Variants in VOPP1 observed in about 807,000 individuals in gnomAD.
The protein encoded by VOPP1 is VOPP1 WW domain binding protein.
Under a neutral mutation model 23.5 loss-of-function variants are expected in VOPP1, and 8 were observed. The observed-to-expected ratio is 0.34, with a 90% CI of 0.20 to 0.61. VOPP1 has a LOEUF of 0.61. VOPP1 is among the 20% of genes least tolerant of loss of function. VOPP1 has a pLI of 0.78. For missense variants in VOPP1, 174 were observed against 238.1 expected, an observed-to-expected ratio of 0.73 and a Z score of 1.77; for synonymous variants, 83 against 97.3, an observed-to-expected ratio of 0.85 and a Z score of 0.86.
At chr7:55,508,038 G>C (rs1036926647) in intron 2 of VOPP1, among the ~76,000 whole-genome samples, 2 of 152,142 alleles carry the variant, frequency 1.3e-5, no homozygotes, top group African/African-American at 4.8e-5. Context: ...GATTTACCTA[G>C]GGAAATTTTA....
rs186577622 is a variant in VOPP1, at chr7:55,437,671, T to G, written n.418-1497A>C. On this transcript the variant is annotated intron_variant and non_coding_transcript_variant, in intron 4 of 4. Coordinates refer to the VOPP1 transcript ENST00000462326. ...ATTTCTTTACTGCCTCCACCCACCC[T>G]CTGTCCTTGTCTCTTTTTCTTGAAC... Among the ~76,000 whole-genome samples the G allele has an allele frequency of 3.3e-5, 5 of 152,320 alleles. No homozygotes were observed. In the East Asian group the frequency reaches 7.7e-4, roughly 23 times the overall value.
At chr7:55,532,001 C>CA (rs1199333985) in intron 1 of VOPP1, among the ~76,000 whole-genome samples, 2 of 152,160 alleles carry the variant, frequency 1.3e-5, no homozygotes, top group Non-Finnish European at 2.9e-5. Context: ...GGCAAAATGC[C>CA]AAAAAATGCA....
intron 2 of VOPP1, among the ~76,000 whole-genome samples, chr7:55,499,895 G>A (rs960646027): frequency 1.6e-4 from 25 of 152,238 alleles, no homozygotes; most frequent in African/African-American, 5.8e-4. Flanking sequence ...GCAATTCTCC[G>A]AGGCCTTCCC....
At chr7:55,450,362 A>C (rs926958045) in intron 4 of VOPP1, among the ~76,000 whole-genome samples, 1 of 152,086 alleles carries the variant, frequency 6.6e-6, no homozygotes, top group African/African-American at 2.4e-5. Context: ...CCCAGAACCC[A>C]GGAGCTGGGC....
At chr7:55,469,007 TTC>T (rs1352297858), downstream of VOPP1, among the ~76,000 whole-genome samples, 1 of 152,238 alleles carries the variant, frequency 6.6e-6, no homozygotes, top group Non-Finnish European at 1.5e-5. Context: ...CACTAGTTTT[TTC>T]TTTTAAAGTA....
At chr7:55,512,324 G>T (rs746698273) in intron 2 of VOPP1, among the ~76,000 whole-genome samples, 2 of 152,112 alleles carry the variant, frequency 1.3e-5, no homozygotes, top group African/African-American at 2.4e-5. Context: ...TACCCAGGAG[G>T]CTGAGACAGG....
intron 1 of VOPP1, among the ~76,000 whole-genome samples, chr7:55,534,982 AAG>A (rs1416305824): frequency 2.6e-5 from 4 of 152,290 alleles, no homozygotes; most frequent in Non-Finnish European, 5.9e-5. Context: ...CTGATGGGAG[AAG>A]AGGAGAACAG....
chr7:55,448,791 AG>A, intron 4 of VOPP1, among the ~76,000 whole-genome samples: 1 of 152,296 alleles, frequency 6.6e-6, no homozygotes, highest in Non-Finnish European at 1.5e-5. Flanking sequence ...GGCCCGGACG[AG>A]GGGGAGGCGG....
intron 1 of VOPP1, among the ~76,000 whole-genome samples, chr7:55,556,359 C>A (rs965710854): frequency 1.3e-5 from 2 of 152,230 alleles, no homozygotes; most frequent in African/African-American, 4.8e-5. Context: ...CAAACCTGTT[C>A]ATCCACTTCT....
At chr7:55,550,015 A>C (rs1483314478) in intron 1 of VOPP1, among the ~76,000 whole-genome samples, 1 of 152,200 alleles carries the variant, frequency 6.6e-6, no homozygotes, top group Non-Finnish European at 1.5e-5. Context: ...TCTCCTCAGC[A>C]TGATAGCCTG....
intron 1 of VOPP1, among the ~76,000 whole-genome samples, chr7:55,551,809 G>A (rs1450002788): frequency 6.6e-6 from 1 of 152,116 alleles, no homozygotes; most frequent in African/African-American, 2.4e-5. Context: ...GGAGGCCCAG[G>A]AGCGTGGATC....
chr7:55,482,196 A>G (rs1272133344), intron 4 of VOPP1, among the ~76,000 whole-genome samples: 1 of 152,278 alleles, frequency 6.6e-6, no homozygotes, highest in African/African-American at 2.4e-5. Context: ...AAAAAAACTG[A>G]TAAGCGGGAG....
At chr7:55,556,642 C>CA (rs995863905) in intron 1 of VOPP1, among the ~76,000 whole-genome samples, 3 of 151,038 alleles carry the variant, frequency 2.0e-5, no homozygotes, top group Admixed American at 1.3e-4. Context: ...TGGAACCCCC[C>CA]CCCAAAACAC....
At chr7:55,519,197 A>T (rs988044157) in intron 2 of VOPP1, among the ~76,000 whole-genome samples, 2 of 152,118 alleles carry the variant, frequency 1.3e-5, no homozygotes, top group African/African-American at 4.8e-5. Flanking sequence ...GCACCTAGGG[A>T]GCTCTGGATC....
intron 2 of VOPP1, among the ~76,000 whole-genome samples, chr7:55,500,796 G>C (rs995874245): frequency 1.3e-5 from 2 of 152,214 alleles, no homozygotes; most frequent in African/African-American, 4.8e-5. Context: ...CAAGACGTTA[G>C]AGATGTTGCA....
At chr7:55,550,062 C>A (rs531343995) in intron 1 of VOPP1, among the ~76,000 whole-genome samples, 1 of 152,356 alleles carries the variant, frequency 6.6e-6, no homozygotes, top group Non-Finnish European at 1.5e-5. Flanking sequence ...GACTGCACAG[C>A]CGTGCACAGG....
At chr7:55,480,373 ACTTC>A (rs1239526897) in intron 4 of VOPP1, among the ~76,000 whole-genome samples, 2 of 152,172 alleles carry the variant, frequency 1.3e-5, no homozygotes, top group Non-Finnish European at 2.9e-5. Flanking sequence ...ATTCATGAAT[ACTTC>A]CTTGTGATTT....
At chr7:55,461,725 T>C (rs1297944484) in intron 4 of VOPP1, among the ~76,000 whole-genome samples, 1 of 152,224 alleles carries the variant, frequency 6.6e-6, no homozygotes, top group East Asian at 1.9e-4. Flanking sequence ...CCAGCTAGTC[T>C]ATATCTTTCA....
intron 4 of VOPP1, among the ~76,000 whole-genome samples, chr7:55,478,011 G>A (rs1165382751): frequency 3.3e-5 from 5 of 152,188 alleles, no homozygotes; most frequent in Admixed American, 2.6e-4. Context: ...CTCACAGGAC[G>A]CTGGCCATGC....
Sources: allele counts gnomAD v4.1 joint callset (sites outside exome capture counted in the v4.1 genomes callset), GRCh38; gene constraint gnomAD v4.1.1; transcripts MANE v1.5; gene names NCBI Gene and HGNC (gene_info 2026-07-23, HGNC 2026-07-21).